Variants in SRBD1 observed in about 807,000 individuals in gnomAD.
SRBD1 encodes the protein S1 RNA binding domain 1, also known as S1 RNA-binding domain-containing protein 1.
Under a neutral mutation model 115.3 loss-of-function variants are expected in SRBD1, and 88 were observed. That is an observed-to-expected ratio of 0.76 (90% CI 0.64 to 0.91). The LOEUF is 0.91. Ranked by LOEUF, SRBD1 falls within the 40% of genes least tolerant of loss-of-function variation. SRBD1 has a pLI of 0.00. For missense variants in SRBD1, 1,385 were observed against 1,177.4 expected (o/e 1.18, Z -2.58); for synonymous variants, 509 against 407.7 (o/e 1.25, Z -2.99).
chr2:45,537,752 G>A (rs1558462621), intron 14 of SRBD1, among the ~76,000 whole-genome samples: 1 of 152,168 alleles, frequency 6.6e-6, no homozygotes, highest in Non-Finnish European at 1.5e-5. Context: ...CACATGCCAA[G>A]TGGAAGGCGC....
chr2:45,492,596 A>G (rs1392251618), intron 14 of SRBD1, among the ~76,000 whole-genome samples: 1 of 151,850 alleles, frequency 6.6e-6, no homozygotes, highest in Non-Finnish European at 1.5e-5. Flanking sequence ...CCGCCACCAC[A>G]CCTGGCTAAT....
intron 15 of SRBD1, among the ~76,000 whole-genome samples, chr2:45,486,063 G>C (rs948838521): frequency 3.9e-5 from 6 of 152,150 alleles, no homozygotes; most frequent in African/African-American, 1.4e-4. Flanking sequence ...TGAAATTAGA[G>C]TAATTAGAAT....
chr2:45,546,934 A>G, intron 13 of SRBD1, 95 bp from the exon 14 acceptor site: 2 of 1,126,084 alleles, frequency 1.8e-6, no homozygotes, highest in East Asian at 2.5e-5. Flanking sequence ...CTATTATATG[A>G]TTCTCTTATT....
intron 14 of SRBD1, among the ~76,000 whole-genome samples, chr2:45,511,945 A>G (rs1670983954): frequency 6.6e-6 from 1 of 152,188 alleles, no homozygotes; most frequent in African/African-American, 2.4e-5. Flanking sequence ...CAGACTTCCA[A>G]TGCTAATCTC....
chr2:45,580,687 T>G (rs1367793399), intron 6 of SRBD1, among the ~76,000 whole-genome samples: 1 of 119,720 alleles, frequency 8.4e-6, no homozygotes, highest in African/African-American at 3.3e-5. Flanking sequence ...TTTTTTTTTT[T>G]TTTTTTTTTT....
chr2:45,529,560 GA>G (rs758402535), intron 14 of SRBD1, among the ~76,000 whole-genome samples: 1 of 151,422 alleles, frequency 6.6e-6, no homozygotes, highest in Non-Finnish European at 1.5e-5. Context: ...TATTAAAATA[GA>G]AAAAAAATCT....
chr2:45,516,867 A>G (rs1471400211), intron 14 of SRBD1, among the ~76,000 whole-genome samples: 4 of 152,304 alleles, frequency 2.6e-5, no homozygotes, highest in South Asian at 2.1e-4. Context: ...AACACAGAAT[A>G]TATTAATTGA....
At chr2:45,512,661 G>A (rs1234498255) in intron 14 of SRBD1, among the ~76,000 whole-genome samples, 1 of 152,090 alleles carries the variant, frequency 6.6e-6, no homozygotes, top group East Asian at 1.9e-4. Flanking sequence ...ATTTTTATAA[G>A]TCAAAATCCA....
intron 1 of SRBD1, among the ~76,000 whole-genome samples, chr2:45,610,424 C>T (rs976345541): frequency 6.6e-6 from 1 of 152,174 alleles, no homozygotes; most frequent in Non-Finnish European, 1.5e-5. Context: ...GCTGAAAGAA[C>T]CTGAGATCAG....
At chr2:45,501,108 T>G (rs1281252690) in intron 14 of SRBD1, among the ~76,000 whole-genome samples, 1 of 152,190 alleles carries the variant, frequency 6.6e-6, no homozygotes, top group Non-Finnish European at 1.5e-5. Flanking sequence ...TGGATTTTAC[T>G]GAATGCTTTT....
At chr2:45,532,904 T>C (rs1451191272) in intron 14 of SRBD1, among the ~76,000 whole-genome samples, 1 of 152,036 alleles carries the variant, frequency 6.6e-6, no homozygotes, top group Non-Finnish European at 1.5e-5. Context: ...AAGTTCTATA[T>C]AACCAAAAGA....
chr2:45,475,658 T>C (rs1669782858), intron 16 of SRBD1, among the ~76,000 whole-genome samples: 1 of 152,196 alleles, frequency 6.6e-6, no homozygotes, highest in African/African-American at 2.4e-5. Flanking sequence ...ATGAATATAA[T>C]TCCTCTTCAC....
chr2:45,468,103 C>T (rs1209301402), intron 16 of SRBD1, among the ~76,000 whole-genome samples: 1 of 152,104 alleles, frequency 6.6e-6, no homozygotes, highest in Non-Finnish European at 1.5e-5. Context: ...AAATTCTGCG[C>T]TTATTTTTAT....
Position 45,562,741 on chromosome 2 carries a change from G to A in SRBD1, c.1321C>T (p.Arg441Cys), listed in dbSNP as rs1429658990. 1.9e-6 allele frequency: 3 copies of A among 1,606,642 alleles called. No individual in the cohort carries two copies. The highest frequency in any genetic ancestry group is 2.2e-5 in the South Asian group (2 of 89,682). The change falls in exon 10 of 21, where the codon CGT becomes TGT. Residue 441 changes from arginine (R) to cysteine (C), a missense_variant. By Grantham distance (180) the Arg-to-Cys change is radical. Transcript: ENST00000263736. ...IHHHQILAINRGENLKVLTVK... is the reference protein window; with the variant it reads ...IHHHQILAINCGENLKVLTVK... Reference sequence around the variant, plus strand: ...GTCAGTACCTTCAAATTTTCTCCACGGTTAATTGCCAGAATCTGAGTGCAA... The same window carrying A: ...GTCAGTACCTTCAAATTTTCTCCACAGTTAATTGCCAGAATCTGAGTGCAA...
intron 14 of SRBD1, among the ~76,000 whole-genome samples, chr2:45,544,344 C>T (rs1451901023): frequency 6.6e-6 from 1 of 151,734 alleles, no homozygotes; most frequent in Admixed American, 6.6e-5. Flanking sequence ...AGATACATAA[C>T]ACATTCCATT....
At chr2:45,464,283 CA>C (rs1553336483) in intron 16 of SRBD1, among the ~76,000 whole-genome samples, 1 of 152,162 alleles carries the variant, frequency 6.6e-6, no homozygotes, top group Non-Finnish European at 1.5e-5. Context: ...TGCTCACATA[CA>C]GAACTCCCAC....
chr2:45,495,628 A>G (rs943793122), intron 14 of SRBD1, among the ~76,000 whole-genome samples: 15 of 152,208 alleles, frequency 9.9e-5, no homozygotes, highest in African/African-American at 3.4e-4. Context: ...AAAGAAAAAA[A>G]CTGCCACAGG....
intron 15 of SRBD1, among the ~76,000 whole-genome samples, chr2:45,486,289 T>C (rs1040930512): frequency 2.6e-5 from 4 of 152,226 alleles, no homozygotes; most frequent in East Asian, 1.9e-4. Flanking sequence ...TATTGGGAGA[T>C]ACCTTCTCAA....
At chr2:45,466,813 A>C (rs1189100151) in intron 16 of SRBD1, among the ~76,000 whole-genome samples, 2 of 152,162 alleles carry the variant, frequency 1.3e-5, no homozygotes, top group African/African-American at 4.8e-5. Context: ...AACACCTAGA[A>C]ATCTTGTTAA....
Sources: gnomAD v4.1 joint callset for allele counts (sites outside exome capture counted in the v4.1 genomes callset) on GRCh38, gnomAD v4.1.1 for gene constraint, MANE v1.5 for transcripts, NCBI Gene and HGNC (gene_info 2026-07-23, HGNC 2026-07-21) for gene names.